The following NRG3 variants were observed in gnomAD, a reference collection of about 807,000 sequenced individuals.
NRG3 encodes pro-neuregulin-3, membrane-bound isoform.
Under a neutral mutation model 66.9 loss-of-function variants are expected in NRG3, and 31 were observed. The ratio of observed to expected loss-of-function variants is 0.46; its 90% CI spans 0.35 to 0.63. The LOEUF is 0.63. Ranked by LOEUF, NRG3 falls within the 20% of genes least tolerant of loss-of-function variation. The pLI, the probability that NRG3 is intolerant of heterozygous loss-of-function variation, is 0.00. For synonymous variants in NRG3, 393 were observed against 359.4 expected, an observed-to-expected ratio of 1.09 and a Z score of -1.06; for missense variants, 910 against 878.9, an observed-to-expected ratio of 1.04 and a Z score of -0.45.
chr10:82,922,141 C>G (rs1182452153), intron 4 of NRG3, among the ~76,000 whole-genome samples: 1 of 151,900 alleles, frequency 6.6e-6, no homozygotes, highest in Non-Finnish European at 1.5e-5. Context: ...GGGAAGAGAA[C>G]CGGAAGAGGA....
At chr10:82,375,865 A>G (rs2085198456) in intron 2 of NRG3, among the ~76,000 whole-genome samples, 1 of 152,356 alleles carries the variant, frequency 6.6e-6, no homozygotes, top group Admixed American at 6.5e-5. Flanking sequence ...ATATGCGTTT[A>G]TGACATTTGT....
chr10:82,789,835 C>A lies in NRG3; in HGVS notation c.1027+51185C>A, dbSNP rs144597313. 7.3e-5 allele frequency among the ~76,000 whole-genome samples: 11 copies of A among 150,004 alleles called. No homozygotes were observed. The East Asian group carries it at 7.8e-4, about 11-fold the overall frequency. ...CATTTTAATTCCCTTTTTTTTTTAA[C>A]GATGTAATTTTAAATTTTATTTTTG... On this transcript the variant is annotated intron_variant, in intron 3 of 8. Transcript: ENST00000372141.
chr10:82,748,180 T>G lies in NRG3; in HGVS notation c.1027+9530T>G, dbSNP rs1170759837. 3.3e-5 allele frequency among the ~76,000 whole-genome samples: 5 copies of G among 151,792 alleles called. No individual in the cohort carries two copies. In the East Asian group the frequency reaches 9.6e-4, roughly 29 times the overall value. ...GTTTACATTTGGTAAGATTATTTCC[T>G]CAATTTAAAAATATATAATTGGTTA... On this transcript the variant is annotated intron_variant, in intron 3 of 8. Transcript: ENST00000372141.
chr10:82,546,454 G>A (rs2043923403), intron 2 of NRG3, among the ~76,000 whole-genome samples: 2 of 152,104 alleles, frequency 1.3e-5, no homozygotes, highest in African/African-American at 2.4e-5. Flanking sequence ...GATTTTGTAC[G>A]TGTTACTTTA....
chr10:82,175,856 C>G (rs1431276156), intron 1 of NRG3, among the ~76,000 whole-genome samples: 1 of 152,140 alleles, frequency 6.6e-6, no homozygotes, highest in African/African-American at 2.4e-5. Context: ...TATAAATTCT[C>G]TAGTTGATAT....
intron 1 of NRG3, among the ~76,000 whole-genome samples, chr10:82,288,527 G>A (rs376668677): frequency 1.4e-4 from 21 of 152,284 alleles, no homozygotes; most frequent in South Asian, 1.2e-3. Flanking sequence ...ATGCTGTGCC[G>A]TGTGGGATGT....
intron 1 of NRG3, among the ~76,000 whole-genome samples, chr10:81,916,490 T>A (rs1293975809): frequency 1.3e-5 from 2 of 152,198 alleles, no homozygotes; most frequent in Non-Finnish European, 2.9e-5. Context: ...CAAGTTACAA[T>A]TATAGGCTAG....
At chr10:81,999,943 A>C (rs2061097278) in intron 1 of NRG3, among the ~76,000 whole-genome samples, 2 of 152,196 alleles carry the variant, frequency 1.3e-5, no homozygotes, top group African/African-American at 2.4e-5. Context: ...CCTTGTCTGG[A>C]CAGTATTAAC....
chr10:82,852,395 G>A (rs1355237728), intron 3 of NRG3, among the ~76,000 whole-genome samples: 2 of 152,016 alleles, frequency 1.3e-5, no homozygotes, highest in Non-Finnish European at 2.9e-5. Context: ...AACCGCCATG[G>A]CACATGTAAA....
At chr10:81,954,749 G>T (rs1490920001) in intron 1 of NRG3, among the ~76,000 whole-genome samples, 2 of 152,128 alleles carry the variant, frequency 1.3e-5, no homozygotes, top group Non-Finnish European at 2.9e-5. Context: ...TAGACAGGTT[G>T]TTAAAAATCA....
chr10:82,971,505 C>T (rs1257749612), intron 6 of NRG3, among the ~76,000 whole-genome samples: 2 of 149,820 alleles, frequency 1.3e-5, no homozygotes, highest in African/African-American at 2.5e-5. Context: ...GGCACCATCT[C>T]GGCTCACTGC....
At chr10:82,727,900 A>C (rs1807520192) in intron 2 of NRG3, among the ~76,000 whole-genome samples, 1 of 152,108 alleles carries the variant, frequency 6.6e-6, no homozygotes, top group Non-Finnish European at 1.5e-5. Flanking sequence ...CATCATTGTG[A>C]CCCAGATGAG....
chr10:82,684,447 G>GA (rs1175527026), intron 2 of NRG3, among the ~76,000 whole-genome samples: 1 of 151,966 alleles, frequency 6.6e-6, no homozygotes, highest in South Asian at 2.1e-4. Flanking sequence ...TCTTTCTATA[G>GA]AAACCTTCCC....
chr10:82,731,731 G>A (rs1367971445), intron 2 of NRG3, among the ~76,000 whole-genome samples: 1 of 152,080 alleles, frequency 6.6e-6, no homozygotes, highest in Non-Finnish European at 1.5e-5. Flanking sequence ...GTTGATATAA[G>A]CGTAGGAATG....
intron 2 of NRG3, among the ~76,000 whole-genome samples, chr10:82,636,711 A>G (rs1467150670): frequency 6.6e-6 from 1 of 152,094 alleles, no homozygotes; most frequent in Non-Finnish European, 1.5e-5. Context: ...GAACATGGGC[A>G]TGGAGATATC....
At chr10:82,713,853 T>C (rs1391527492) in intron 2 of NRG3, among the ~76,000 whole-genome samples, 1 of 152,172 alleles carries the variant, frequency 6.6e-6, no homozygotes, top group Non-Finnish European at 1.5e-5. Flanking sequence ...TTCAATTTGT[T>C]TATTATTCTA....
chr10:81,904,022 T>C (rs1357061915), intron 1 of NRG3, among the ~76,000 whole-genome samples: 3 of 150,972 alleles, frequency 2.0e-5, no homozygotes, highest in African/African-American at 7.3e-5. Context: ...TGTTTGTTTG[T>C]TTTGGAGACG....
intron 1 of NRG3, among the ~76,000 whole-genome samples, chr10:82,201,601 AGAACT>A: frequency 6.6e-6 from 1 of 152,160 alleles, no homozygotes; most frequent in Non-Finnish European, 1.5e-5. Context: ...ACCTTCAATT[AGAACT>A]GAAAAAGTTG....
At chr10:82,023,932 T>G (rs1418295827) in intron 1 of NRG3, among the ~76,000 whole-genome samples, 1 of 152,060 alleles carries the variant, frequency 6.6e-6, no homozygotes, top group Non-Finnish European at 1.5e-5. Flanking sequence ...TTGTTATTGC[T>G]TCTTCTTTAA....
Sources: gnomAD v4.1 joint callset for allele counts (sites outside exome capture counted in the v4.1 genomes callset) on GRCh38, gnomAD v4.1.1 for gene constraint, MANE v1.5 for transcripts, NCBI Gene and HGNC (gene_info 2026-07-23, HGNC 2026-07-21) for gene names.